The following PRKCA variants were observed in gnomAD, a reference collection of about 807,000 sequenced individuals.
PRKCA encodes protein kinase C alpha type.
Under a neutral mutation model 87.0 loss-of-function variants are expected in PRKCA, and 27 were observed. That is an observed-to-expected ratio of 0.31 (90% CI 0.23 to 0.43). PRKCA has a LOEUF of 0.43. Ranked by LOEUF, PRKCA falls within the 20% of genes least tolerant of loss-of-function variation. The pLI, the probability that PRKCA is intolerant of heterozygous loss-of-function variation, is 1.00. For missense variants in PRKCA, 518 were observed against 852.3 expected, an observed-to-expected ratio of 0.61 and a Z score of 4.88; for synonymous variants, 329 against 311.1, an observed-to-expected ratio of 1.06 and a Z score of -0.61.
chr17:66,440,304 A>G (rs1169777361), intron 2 of PRKCA, among the ~76,000 whole-genome samples: 1 of 152,228 alleles, frequency 6.6e-6, no homozygotes, highest in African/African-American at 2.4e-5. Flanking sequence ...AGGACTCCTG[A>G]TCCTTTGTAC....
intron 13 of PRKCA, among the ~76,000 whole-genome samples, chr17:66,753,274 A>G (rs532990541): frequency 1.3e-5 from 2 of 152,148 alleles, no homozygotes; most frequent in East Asian, 3.9e-4. Context: ...TTAGACAACA[A>G]CCTGGGTACT....
At chr17:66,708,223 G>A (rs1268847257) in intron 8 of PRKCA, among the ~76,000 whole-genome samples, 1 of 152,180 alleles carries the variant, frequency 6.6e-6, no homozygotes, top group Non-Finnish European at 1.5e-5. Flanking sequence ...GCACTTAATT[G>A]AAAACGAAGT....
At chr17:66,675,768 C>A (rs1442669461) in intron 5 of PRKCA, among the ~76,000 whole-genome samples, 1 of 152,200 alleles carries the variant, frequency 6.6e-6, no homozygotes, top group Non-Finnish European at 1.5e-5. Context: ...CCACCGGAGC[C>A]TGCCTGGGCC....
At chr17:66,430,757 G>T (rs555479892) in intron 2 of PRKCA, among the ~76,000 whole-genome samples, 1 of 152,150 alleles carries the variant, frequency 6.6e-6, no homozygotes, top group African/African-American at 2.4e-5. Context: ...GGAGCAAGGT[G>T]GCCTTCAGGA....
chr17:66,740,006 C>A (rs1240190001), intron 11 of PRKCA, among the ~76,000 whole-genome samples: 1 of 151,782 alleles, frequency 6.6e-6, no homozygotes, highest in Non-Finnish European at 1.5e-5. Flanking sequence ...GACCTTGGAG[C>A]CAAAGAGGAA....
At chr17:66,457,485 C>T (rs1005294081) in intron 2 of PRKCA, among the ~76,000 whole-genome samples, 3 of 152,132 alleles carry the variant, frequency 2.0e-5, no homozygotes, top group Non-Finnish European at 2.9e-5. Context: ...GCATCTGGCT[C>T]GCTGTGAGCT....
At chr17:66,531,277 C>T (rs528761825) in intron 3 of PRKCA, among the ~76,000 whole-genome samples, 3 of 152,326 alleles carry the variant, frequency 2.0e-5, no homozygotes, top group Non-Finnish European at 2.9e-5. Flanking sequence ...GCCTTGGAGC[C>T]GCCGTTTCTT....
At chr17:66,527,155 T>C (rs968525602) in intron 3 of PRKCA, among the ~76,000 whole-genome samples, 1 of 152,214 alleles carries the variant, frequency 6.6e-6, no homozygotes, top group Non-Finnish European at 1.5e-5. Flanking sequence ...CTGTTTGATA[T>C]GATGCAACTG....
chr17:66,656,037 C>A (rs1971726705), intron 5 of PRKCA, among the ~76,000 whole-genome samples: 1 of 152,116 alleles, frequency 6.6e-6, no homozygotes, highest in Non-Finnish European at 1.5e-5. Flanking sequence ...GATTGTTATT[C>A]ATGCTTGGTT....
intron 3 of PRKCA, among the ~76,000 whole-genome samples, chr17:66,515,167 A>G (rs1458559249): frequency 6.6e-6 from 1 of 151,688 alleles, no homozygotes; most frequent in Non-Finnish European, 1.5e-5. Flanking sequence ...GAAGCAGGAG[A>G]ATCACTTGAA....
rs909536952 is a variant in PRKCA at position 66,808,547 on chromosome 17, A to G, written c.*4510A>G. 6.6e-6 allele frequency: 1 copy of G among 152,338 alleles called. No individual in the cohort carries two copies. The highest frequency in any genetic ancestry group is 2.4e-5 in the African/African-American group (1 of 41,394). 9.4% of individuals were successfully genotyped at this position (152,338 alleles called of 1,614,324 possible). On this transcript the variant is annotated 3_prime_UTR_variant, in exon 17 of 17. Transcript: ENST00000413366. ...CTGTTTCCCCTGCTGGGCACACCAG[A>G]CAATCGTAATCACAAAACAGACACT...
At chr17:66,791,429 C>T (rs138601636) in intron 16 of PRKCA, among the ~76,000 whole-genome samples, 143 of 152,168 alleles carry the variant, frequency 9.4e-4, no homozygotes, top group Non-Finnish European at 1.1e-3. Flanking sequence ...GAAATGGACC[C>T]ACAGAGGGAA....
intron 3 of PRKCA, among the ~76,000 whole-genome samples, chr17:66,630,612 A>G (rs894296521): frequency 6.6e-6 from 1 of 152,234 alleles, no homozygotes; most frequent in Non-Finnish European, 1.5e-5. Context: ...TCCTGGAATA[A>G]GTAGACAGGT....
At chr17:66,617,967 G>T (rs946139468) in intron 3 of PRKCA, among the ~76,000 whole-genome samples, 1 of 152,102 alleles carries the variant, frequency 6.6e-6, no homozygotes, top group Non-Finnish European at 1.5e-5. Context: ...CCAACGTGGT[G>T]CCCTGTTGAT....
At chr17:66,345,733 T>C (rs1644486158) in intron 2 of PRKCA, among the ~76,000 whole-genome samples, 1 of 152,200 alleles carries the variant, frequency 6.6e-6, no homozygotes, top group Admixed American at 6.5e-5. Context: ...GAAAAATATA[T>C]AGAAGCAGTA....
intron 8 of PRKCA, among the ~76,000 whole-genome samples, chr17:66,726,525 A>C (rs1311173541): frequency 6.6e-6 from 1 of 152,176 alleles, no homozygotes; most frequent in African/African-American, 2.4e-5. Flanking sequence ...GAACAGCAGA[A>C]GAGGGAAGGG....
intron 2 of PRKCA, among the ~76,000 whole-genome samples, chr17:66,404,695 C>T (rs2143704154): frequency 6.8e-6 from 1 of 146,608 alleles, no homozygotes; most frequent in Admixed American, 6.8e-5. Context: ...GCTCCTCAGT[C>T]TCTGTTCCAC....
At chr17:66,445,794 CT>C (rs367868430) in intron 2 of PRKCA, among the ~76,000 whole-genome samples, 555 of 145,822 alleles carry the variant, frequency 3.8e-3, no homozygotes, top group Non-Finnish European at 5.7e-3. Context: ...GTTGGGTTCA[CT>C]TTTTTTTTTT....
chr17:66,412,938 C>T (rs1188673427), intron 2 of PRKCA, among the ~76,000 whole-genome samples: 6 of 152,126 alleles, frequency 3.9e-5, no homozygotes, highest in Non-Finnish European at 7.3e-5. Flanking sequence ...ATGCACCACT[C>T]AACACAACAC....
Sources: allele counts gnomAD v4.1 joint callset (sites outside exome capture counted in the v4.1 genomes callset), GRCh38; gene constraint gnomAD v4.1.1; transcripts MANE v1.5; gene names NCBI Gene and HGNC (gene_info 2026-07-23, HGNC 2026-07-21).